NCOA1: variants seen among roughly 807,000 people sequenced by gnomAD.
The protein encoded by NCOA1 is nuclear receptor coactivator 1.
A neutral mutation model predicts 150.9 loss-of-function variants in NCOA1; 35 were observed. That is an observed-to-expected ratio of 0.23 (90% CI 0.18 to 0.31). The LOEUF is 0.31. NCOA1 is among the 10% of genes least tolerant of loss of function. The pLI, the probability that NCOA1 is intolerant of heterozygous loss-of-function variation, is 1.00. For synonymous variants in NCOA1, 590 were observed against 630.0 expected, an observed-to-expected ratio of 0.94 and a Z score of 0.95; for missense variants, 1,491 against 1,749.3, an observed-to-expected ratio of 0.85 and a Z score of 2.63.
At chr2:24,718,688 A>G (rs181022913) in intron 14 of NCOA1, among the ~76,000 whole-genome samples, 1 of 149,752 alleles carries the variant, frequency 6.7e-6, no homozygotes, top group Non-Finnish European at 1.5e-5. Context: ...ATACAAAACT[A>G]GGCTAACATG....
chr2:24,735,430 G>C (rs746649117), intron 17 of NCOA1, among the ~76,000 whole-genome samples: 1 of 152,080 alleles, frequency 6.6e-6, no homozygotes, highest in African/African-American at 2.4e-5. Flanking sequence ...ACCATGCCTA[G>C]TGATTTGAGA....
intron 3 of NCOA1, among the ~76,000 whole-genome samples, chr2:24,617,338 A>G (rs1278873909): frequency 6.6e-6 from 1 of 152,094 alleles, no homozygotes; most frequent in Non-Finnish European, 1.5e-5. Context: ...ACTGAACGTT[A>G]TGATCTCTCC....
chr2:24,768,062 CG>C, intron 22 of NCOA1, 158 bp from the exon 23 acceptor site: 4 of 1,612,812 alleles, frequency 2.5e-6, no homozygotes, highest in Non-Finnish European at 3.4e-6. Context: ...ATGAGTGCAG[CG>C]ATTTTCTTTT....
chr2:24,501,131 C>G (rs1423594489), intron 1 of NCOA1, among the ~76,000 whole-genome samples: 1 of 152,128 alleles, frequency 6.6e-6, no homozygotes, highest in East Asian at 1.9e-4. Flanking sequence ...TGGAAATGCA[C>G]TAGCTGAATT....
chr2:24,762,644 A>G (rs772673795), intron 21 of NCOA1, 43 bp from the exon 22 acceptor site: 69 of 1,566,424 alleles, frequency 4.4e-5, no homozygotes, highest in Non-Finnish European at 5.8e-5. Flanking sequence ...TTTTCAGTTT[A>G]AACAACTAGC....
intron 2 of NCOA1, among the ~76,000 whole-genome samples, chr2:24,574,602 G>C (rs1396623974): frequency 6.6e-6 from 1 of 151,828 alleles, no homozygotes; most frequent in African/African-American, 2.4e-5. Context: ...ATTTACCATT[G>C]CTGGCACTCT....
intron 3 of NCOA1, among the ~76,000 whole-genome samples, chr2:24,633,796 A>G (rs1052208762): frequency 2.0e-5 from 3 of 152,220 alleles, no homozygotes; most frequent in African/African-American, 7.2e-5. Context: ...GTGGAGTTGG[A>G]CATATGCAAA....
chr2:24,641,808 G>A (rs1027875375), intron 3 of NCOA1, among the ~76,000 whole-genome samples: 3 of 151,870 alleles, frequency 2.0e-5, no homozygotes, highest in African/African-American at 7.2e-5. Context: ...TTTTTTTAGC[G>A]GTTTGACTGG....
intron 10 of NCOA1, among the ~76,000 whole-genome samples, chr2:24,694,493 A>G (rs1234043944): frequency 6.6e-6 from 1 of 152,110 alleles, no homozygotes; most frequent in Non-Finnish European, 1.5e-5. Context: ...TTATGTATTA[A>G]TTTTTTAGTG....
At chr2:24,620,068 A>C (rs1669056350) in intron 3 of NCOA1, among the ~76,000 whole-genome samples, 1 of 152,186 alleles carries the variant, frequency 6.6e-6, no homozygotes, top group Admixed American at 6.5e-5. Flanking sequence ...CTTACTGTAC[A>C]GAATTCTTTC....
chr2:24,563,008 G>C (rs1666348301), intron 1 of NCOA1, among the ~76,000 whole-genome samples: 1 of 152,210 alleles, frequency 6.6e-6, no homozygotes, highest in Non-Finnish European at 1.5e-5. Context: ...TTTTGTCTTT[G>C]CTGCCTTATC....
At chr2:24,639,532 T>G (rs1670084071) in intron 3 of NCOA1, among the ~76,000 whole-genome samples, 3 of 152,122 alleles carry the variant, frequency 2.0e-5, no homozygotes, top group Admixed American at 2.0e-4. Context: ...ATTCCATTGA[T>G]TAGAATATTA....
At chr2:24,645,435 G>T (rs1670425055) in intron 4 of NCOA1, among the ~76,000 whole-genome samples, 1 of 151,210 alleles carries the variant, frequency 6.6e-6, no homozygotes, top group African/African-American at 2.4e-5. Context: ...GCGTGAACCT[G>T]GGAGGCGGAG....
intron 4 of NCOA1, among the ~76,000 whole-genome samples, chr2:24,652,564 T>G (rs994278805): frequency 6.6e-5 from 10 of 152,166 alleles, no homozygotes; most frequent in Non-Finnish European, 1.0e-4. Context: ...AGTTCTCAGC[T>G]AAATCCAAGA....
At chr2:24,603,823 T>C (rs1558830718) in intron 3 of NCOA1, among the ~76,000 whole-genome samples, 1 of 152,238 alleles carries the variant, frequency 6.6e-6, no homozygotes, top group Non-Finnish European at 1.5e-5. Context: ...TGATCTCCCA[T>C]GAATCACGAA....
At chr2:24,658,557 T>C (rs946872821) in intron 4 of NCOA1, 104 bp from the exon 5 acceptor site, 53 of 740,380 alleles carry the variant, frequency 7.2e-5, no homozygotes, top group South Asian at 4.2e-4. Context: ...TTCATTGATA[T>C]AGCACAATTT....
intron 3 of NCOA1, among the ~76,000 whole-genome samples, chr2:24,593,783 G>C (rs1667758461): frequency 6.6e-6 from 1 of 152,094 alleles, no homozygotes; most frequent in Non-Finnish European, 1.5e-5. Flanking sequence ...CATGCGTACA[G>C]GTATTCACAT....
chr2:24,625,206 A>G (rs1015156004), intron 3 of NCOA1, among the ~76,000 whole-genome samples: 3 of 151,692 alleles, frequency 2.0e-5, no homozygotes, highest in Non-Finnish European at 2.9e-5. Context: ...AACCATTTAA[A>G]TATGTAAAAA....
At chr2:24,547,451 A>G (rs1264308756) in intron 1 of NCOA1, among the ~76,000 whole-genome samples, 1 of 152,112 alleles carries the variant, frequency 6.6e-6, no homozygotes, top group African/African-American at 2.4e-5. Context: ...TTACTCTTTC[A>G]TCTTAGTTTT....
Sources: gnomAD v4.1 joint callset for allele counts (sites outside exome capture counted in the v4.1 genomes callset) on GRCh38, gnomAD v4.1.1 for gene constraint, MANE v1.5 for transcripts, NCBI Gene and HGNC (gene_info 2026-07-23, HGNC 2026-07-21) for gene names.